CAMKMT: variants seen among roughly 807,000 people sequenced by gnomAD.
CAMKMT encodes the protein calmodulin-lysine N-methyltransferase.
A neutral mutation model predicts 48.0 loss-of-function variants in CAMKMT; 53 were observed. The observed-to-expected ratio is 1.10, with a 90% CI of 0.89 to 1.39. The LOEUF is 1.39. Among genes scored for constraint, CAMKMT ranks in the 40% most tolerant of loss-of-function variants. The pLI is 0.00. For missense variants in CAMKMT, 428 were observed against 402.7 expected, an observed-to-expected ratio of 1.06 and a Z score of -0.54; for synonymous variants, 165 against 152.3, an observed-to-expected ratio of 1.08 and a Z score of -0.61.
chr2:44,384,173 G>A (rs1352917909), intron 2 of CAMKMT, among the ~76,000 whole-genome samples: 3 of 152,148 alleles, frequency 2.0e-5, no homozygotes, highest in South Asian at 4.1e-4. Context: ...CATTCTTGCA[G>A]GAGTAAGGTG....
At chr2:44,572,019 A>T (rs1668934366) in intron 3 of CAMKMT, among the ~76,000 whole-genome samples, 1 of 152,168 alleles carries the variant, frequency 6.6e-6, no homozygotes, top group African/African-American at 2.4e-5. Context: ...TCTTTTACGT[A>T]TCTTAAGTAT....
chr2:44,448,686 T>C lies in CAMKMT; in HGVS notation c.376+58381T>C, dbSNP rs546232807. ...CATGTAATTCACCTCTGTAAACATA[T>C]TTTTCACTAATGATTATGTATATGC... On this transcript the variant is annotated intron_variant, in intron 3 of 10. Coordinates refer to ENST00000378494, the MANE Select transcript of CAMKMT (RefSeq NM_024766.5). 1.1e-3 allele frequency among the ~76,000 whole-genome samples: 175 copies of C among 152,290 alleles called. 1 individual carries two copies. The highest frequency in any genetic ancestry group is 3.9e-3 in the African/African-American group (164 of 41,564).
At chr2:44,511,275 C>T (rs1294803599) in intron 3 of CAMKMT, among the ~76,000 whole-genome samples, 1 of 152,200 alleles carries the variant, frequency 6.6e-6, no homozygotes, top group Non-Finnish European at 1.5e-5. Flanking sequence ...CAAGTTGCTG[C>T]AAAGGACATT....
At chr2:44,388,734 G>A (rs1681023125) in intron 2 of CAMKMT, among the ~76,000 whole-genome samples, 1 of 152,124 alleles carries the variant, frequency 6.6e-6, no homozygotes, top group Non-Finnish European at 1.5e-5. Context: ...TTTTCCTATG[G>A]ATGTGGCTTC....
intron 7 of CAMKMT, among the ~76,000 whole-genome samples, chr2:44,724,155 C>G (rs996607893): frequency 2.0e-5 from 3 of 152,052 alleles, no homozygotes; most frequent in South Asian, 4.2e-4. Flanking sequence ...CCTGTAGTCC[C>G]AGATACTAGG....
At chr2:44,503,479 G>A (rs1449589834) in intron 3 of CAMKMT, among the ~76,000 whole-genome samples, 1 of 152,128 alleles carries the variant, frequency 6.6e-6, no homozygotes, top group Non-Finnish European at 1.5e-5. Flanking sequence ...TCAGTCTTCA[G>A]AGAGAAAAGA....
At chr2:44,380,095 G>C (rs372911238) in intron 2 of CAMKMT, among the ~76,000 whole-genome samples, 4 of 152,086 alleles carry the variant, frequency 2.6e-5, no homozygotes, top group African/African-American at 7.2e-5. Context: ...TTAGGCTTCA[G>C]ATTTTTCCTC....
intron 7 of CAMKMT, among the ~76,000 whole-genome samples, chr2:44,728,839 C>CTTTTT (rs70937931): frequency 1.2e-4 from 7 of 58,286 alleles, no homozygotes; most frequent in East Asian, 4.0e-4. Context: ...GGGGTCTATC[C>CTTTTT]TTTTTTTTTT....
chr2:44,376,343 C>T (rs376979265), intron 2 of CAMKMT, among the ~76,000 whole-genome samples: 6 of 150,606 alleles, frequency 4.0e-5, no homozygotes, highest in African/African-American at 1.2e-4. Context: ...ATAGCTTGAA[C>T]GTGGGAGGTG....
intron 3 of CAMKMT, among the ~76,000 whole-genome samples, chr2:44,680,563 G>A (rs924175940): frequency 1.3e-5 from 2 of 152,162 alleles, no homozygotes; most frequent in African/African-American, 4.8e-5. Flanking sequence ...CACATGTGAG[G>A]AAAATTCACT....
At chr2:44,748,831 C>T (rs555721859) in intron 8 of CAMKMT, among the ~76,000 whole-genome samples, 61 of 152,176 alleles carry the variant, frequency 4.0e-4, no homozygotes, top group African/African-American at 1.4e-3. Context: ...GAGCCAAGAT[C>T]GCTCAAGATA....
chr2:44,449,835 T>C (rs1018059899), intron 3 of CAMKMT, among the ~76,000 whole-genome samples: 4 of 152,180 alleles, frequency 2.6e-5, no homozygotes, highest in Non-Finnish European at 4.4e-5. Flanking sequence ...GGGTTAGTAC[T>C]AGAAATTTTT....
chr2:44,619,490 AAC>A (rs1672063896), intron 3 of CAMKMT, among the ~76,000 whole-genome samples: 1 of 151,908 alleles, frequency 6.6e-6, no homozygotes, highest in African/African-American at 2.4e-5. Flanking sequence ...TGCATCTGCA[AAC>A]ACATATGTGT....
At chr2:44,737,995 A>G (rs1180438507) in intron 7 of CAMKMT, among the ~76,000 whole-genome samples, 2 of 151,796 alleles carry the variant, frequency 1.3e-5, no homozygotes, top group African/African-American at 2.4e-5. Flanking sequence ...AGCTGGGATT[A>G]CAGGTGCCCA....
chr2:44,751,620 G>A (rs1680157481), intron 8 of CAMKMT, among the ~76,000 whole-genome samples: 1 of 152,134 alleles, frequency 6.6e-6, no homozygotes, highest in African/African-American at 2.4e-5. Flanking sequence ...TTTAACACGT[G>A]TCCTTGTGCC....
intron 3 of CAMKMT, among the ~76,000 whole-genome samples, chr2:44,433,927 C>T (rs982906275): frequency 2.6e-5 from 4 of 151,884 alleles, no homozygotes; most frequent in African/African-American, 9.7e-5. Flanking sequence ...GTCTGTGTGC[C>T]GTGGTTTGTA....
At chr2:44,403,803 C>T (rs1187695703) in intron 3 of CAMKMT, among the ~76,000 whole-genome samples, 1 of 151,578 alleles carries the variant, frequency 6.6e-6, no homozygotes, top group Non-Finnish European at 1.5e-5. Context: ...AATTAGACTA[C>T]ATATGGTTCT....
At chr2:44,668,843 G>A (rs1675161145) in intron 3 of CAMKMT, among the ~76,000 whole-genome samples, 1 of 151,604 alleles carries the variant, frequency 6.6e-6, no homozygotes, top group Admixed American at 6.6e-5. Flanking sequence ...GTACAGTGGT[G>A]CAGTCTTGGC....
chr2:44,702,104 T>C (rs1217418695), intron 3 of CAMKMT, among the ~76,000 whole-genome samples: 1 of 152,144 alleles, frequency 6.6e-6, no homozygotes, highest in Non-Finnish European at 1.5e-5. Context: ...AGGCTTAAAT[T>C]TTAGTTAGAT....
Sources: gnomAD v4.1 joint callset for allele counts (sites outside exome capture counted in the v4.1 genomes callset) on GRCh38, gnomAD v4.1.1 for gene constraint, MANE v1.5 for transcripts, NCBI Gene and HGNC (gene_info 2026-07-23, HGNC 2026-07-21) for gene names.